Variants in ZBBX observed in about 807,000 individuals in gnomAD.
ZBBX encodes the protein zinc finger B-box domain containing.
In ZBBX, 101 loss-of-function variants were observed where a neutral mutation model predicts 108.5. The ratio of observed to expected loss-of-function variants is 0.93; its 90% CI spans 0.79 to 1.10. The LOEUF (loss-of-function observed/expected upper bound fraction) is 1.10. Among genes scored for constraint, ZBBX ranks in the 50% least tolerant of loss-of-function variants. ZBBX has a pLI of 0.00. For missense variants in ZBBX, 1,009 were observed against 941.4 expected (o/e 1.07, Z -0.94); for synonymous variants, 356 against 323.4 (o/e 1.10, Z -1.08).
intron 8 of ZBBX, 99 bp from the exon 9 acceptor site, chr3:167,350,614 C>A: frequency 1.2e-6 from 1 of 820,144 alleles, no homozygotes; most frequent in Admixed American, 3.1e-5. Flanking sequence ...ATATTTATTT[C>A]TCTAATTAAA....
the ZBBX span, among the ~76,000 whole-genome samples, chr3:167,209,446 G>A: frequency 5.9e-5 from 9 of 151,812 alleles, no homozygotes; most frequent in African/African-American, 2.2e-4. Flanking sequence ...GCTCTGTCTG[G>A]TAATCCAGAA....
intron 20 of ZBBX, among the ~76,000 whole-genome samples, chr3:167,245,767 C>A (rs916573403): frequency 1.3e-5 from 2 of 152,148 alleles, no homozygotes; most frequent in African/African-American, 4.8e-5. Context: ...TTTCCTGAGG[C>A]CTCCACAGCC....
chr3:167,374,093 G>A (rs754924733), intron 2 of ZBBX, among the ~76,000 whole-genome samples: 1 of 151,996 alleles, frequency 6.6e-6, no homozygotes, highest in Non-Finnish European at 1.5e-5. Context: ...CGTGCAGAGA[G>A]AAACGAAAAG....
At chr3:167,205,482 G>C in the ZBBX span, among the ~76,000 whole-genome samples, 1 of 152,162 alleles carries the variant, frequency 6.6e-6, no homozygotes, top group Non-Finnish European at 1.5e-5. Flanking sequence ...TGATATCTGG[G>C]TCATGTGTTA....
the ZBBX span, among the ~76,000 whole-genome samples, chr3:167,186,718 C>A: frequency 6.6e-6 from 1 of 151,948 alleles, no homozygotes; most frequent in African/African-American, 2.4e-5. Context: ...CTGCAACCAA[C>A]AAAATCAATA....
chr3:167,262,318 C>A (rs930014288), intron 20 of ZBBX, among the ~76,000 whole-genome samples: 1 of 152,196 alleles, frequency 6.6e-6, no homozygotes, highest in Non-Finnish European at 1.5e-5. Flanking sequence ...CTAAAATTCA[C>A]AATGCGAGCC....
At chr3:167,352,168 G>A (rs976090624) in intron 8 of ZBBX, among the ~76,000 whole-genome samples, 2 of 151,850 alleles carry the variant, frequency 1.3e-5, no homozygotes, top group Admixed American at 6.6e-5. Context: ...ATAAAATTGA[G>A]CTAAAAAATG....
intron 20 of ZBBX, among the ~76,000 whole-genome samples, chr3:167,251,911 G>C (rs979982770): frequency 1.5e-5 from 2 of 135,240 alleles, no homozygotes; most frequent in African/African-American, 6.2e-5. Context: ...GATTCATCAT[G>C]ATGTTGTGCC....
chr3:167,201,573 T>C, the ZBBX span, among the ~76,000 whole-genome samples: 1 of 152,252 alleles, frequency 6.6e-6, no homozygotes, highest in Admixed American at 6.5e-5. Flanking sequence ...TTTTAGGTTA[T>C]GCTGATGTAA....
intron 20 of ZBBX, among the ~76,000 whole-genome samples, chr3:167,258,008 G>A (rs893753457): frequency 3.9e-5 from 6 of 151,982 alleles, no homozygotes; most frequent in African/African-American, 4.8e-5. Flanking sequence ...AGTTTAATTC[G>A]GTCTCAGCTA....
chr3:167,288,764 C>A, intron 19 of ZBBX, 103 bp downstream of exon 19: 1 of 544,386 alleles, frequency 1.8e-6, no homozygotes, highest in East Asian at 3.3e-5. Flanking sequence ...AATTACAGAA[C>A]TTCAAAAACT....
chr3:167,390,631 T>A (rs1330467509), intron 1 of ZBBX, among the ~76,000 whole-genome samples: 2 of 152,212 alleles, frequency 1.3e-5, no homozygotes, highest in East Asian at 3.9e-4. Flanking sequence ...GAGCATGGAA[T>A]ATTTTTCCAT....
At chr3:167,276,007 C>T (rs573963918) in intron 20 of ZBBX, among the ~76,000 whole-genome samples, 3 of 152,284 alleles carry the variant, frequency 2.0e-5, no homozygotes, top group Admixed American at 6.5e-5. Context: ...AGGCACCCCC[C>T]AGCAGGGGCA....
At chr3:167,247,880 T>G (rs992636989) in intron 20 of ZBBX, among the ~76,000 whole-genome samples, 7 of 152,182 alleles carry the variant, frequency 4.6e-5, no homozygotes, top group Middle Eastern at 6.3e-3. Flanking sequence ...TTTCTGCGGG[T>G]AAGAAGCTCT....
the ZBBX span, among the ~76,000 whole-genome samples, chr3:167,180,455 G>T: frequency 6.6e-6 from 1 of 152,210 alleles, no homozygotes; most frequent in African/African-American, 2.4e-5. Flanking sequence ...TAGGAGTAAG[G>T]AGTAGTAGTC....
chr3:167,204,904 CAA>C, the ZBBX span, among the ~76,000 whole-genome samples: 7 of 124,382 alleles, frequency 5.6e-5, no homozygotes, highest in African/African-American at 1.1e-4. Context: ...GAACTCAGAC[CAA>C]AAAAAAAAAA....
At chr3:167,204,990 G>A in the ZBBX span, among the ~76,000 whole-genome samples, 2 of 151,956 alleles carry the variant, frequency 1.3e-5, no homozygotes, top group Non-Finnish European at 2.9e-5. Flanking sequence ...GAGAAGATGA[G>A]AAGAGAAGGA....
intron 1 of ZBBX, among the ~76,000 whole-genome samples, chr3:167,405,664 T>G (rs1028525263): frequency 2.6e-5 from 4 of 152,234 alleles, no homozygotes; most frequent in Admixed American, 6.5e-5. Flanking sequence ...ATAGGAACTC[T>G]TAACCTGAAA....
chr3:167,191,983 A>C, the ZBBX span, among the ~76,000 whole-genome samples: 1 of 140,128 alleles, frequency 7.1e-6, no homozygotes, highest in African/African-American at 2.7e-5. Context: ...ATAACAAAAA[A>C]AACCTCTTCA....
Sources: gnomAD v4.1 joint callset for allele counts (sites outside exome capture counted in the v4.1 genomes callset) on GRCh38, gnomAD v4.1.1 for gene constraint, MANE v1.5 for transcripts, NCBI Gene and HGNC (gene_info 2026-07-23, HGNC 2026-07-21) for gene names.